Variants in ARPIN observed in about 807,000 individuals in gnomAD.
ARPIN encodes the protein UPF0552 protein C15orf38.
A neutral mutation model predicts 25.9 loss-of-function variants in ARPIN; 23 were observed. The ratio of observed to expected loss-of-function variants is 0.89; its 90% CI spans 0.64 to 1.26. The LOEUF (loss-of-function observed/expected upper bound fraction) is 1.26. Among genes scored for constraint, ARPIN ranks in the 50% most tolerant of loss-of-function variants. The probability of loss-of-function intolerance (pLI) is 0.00; values close to 1 mark genes in which losing one functional copy is unlikely to be tolerated. For synonymous variants in ARPIN, 126 were observed against 131.4 expected, an observed-to-expected ratio of 0.96 and a Z score of 0.28; for missense variants, 333 against 312.2, an observed-to-expected ratio of 1.07 and a Z score of -0.50.
At chr15:89,907,265 A>G (rs545751514) in intron 3 of ARPIN, among the ~76,000 whole-genome samples, 20 of 151,990 alleles carry the variant, frequency 1.3e-4, no homozygotes, top group African/African-American at 4.6e-4. Flanking sequence ...CTGGGGTTTC[A>G]CCATGTTCGC....
chr15:89,908,404 G>A lies in ARPIN; in HGVS notation c.177C>T (p.Tyr59=), dbSNP rs768350982. Residue 59 remains tyrosine, a synonymous_variant, in exon 3 of 6, where the codon TAC becomes TAT. Coordinates refer to ENST00000357484, the MANE Select transcript of ARPIN (RefSeq NM_182616.4). ...GACTGGGCCGGATATACAGCACGTA[G>A]TAGCGCTCCTGGGGCCAGGCAGACA... ...ILDTHGRKER[Y]YVLYIRPSHI... The A allele has an allele frequency of 3.1e-6, 5 of 1,613,344 alleles. No homozygotes were observed. Among genetic ancestry groups the A allele is most frequent in the South Asian group, 1.1e-5 (1 of 91,084 alleles).
rs1896934487 is a variant in ARPIN at position 89,896,595 on chromosome 15, A to G, written c.*5200T>C. On this transcript the variant is annotated 3_prime_UTR_variant, in exon 6 of 6. Coordinates refer to ENST00000357484, the MANE Select transcript of ARPIN (RefSeq NM_182616.4). Reference sequence around the variant, plus strand: ...AATCACAAAACATCAACAGATATATAAAGTTTTTTTATAAAAAGAATTATT... The same window carrying G: ...AATCACAAAACATCAACAGATATATGAAGTTTTTTTATAAAAAGAATTATT... 1 of 152,208 alleles carries G rather than the reference A, an allele frequency of 6.6e-6. No homozygotes were observed. Among genetic ancestry groups the G allele is most frequent in the South Asian group, 2.1e-4 (1 of 4,818 alleles). 9.4% of individuals were successfully genotyped at this position (152,208 alleles called of 1,614,324 possible).
Position 89,899,108 on chromosome 15 carries a change from CAG to C in ARPIN, c.*2685_*2686del, listed in dbSNP as rs1179200147. The C allele has an allele frequency of 8.1e-6, 1 of 124,198 alleles. No homozygotes were observed. Among genetic ancestry groups the C allele is most frequent in the Non-Finnish European group, 1.6e-5 (1 of 61,620 alleles). 7.7% of individuals were successfully genotyped at this position (124,198 alleles called of 1,614,324 possible). A position where few individuals can be genotyped will look rare whatever the true frequency, so the allele number is the denominator to read the frequency against. Reference sequence around the variant, plus strand: ...CTTTTTTTTTTTTTTTTTTTTGAGACAGGGTCTCACTGTGTTGCCCAGGCTGG... The same window carrying C: ...CTTTTTTTTTTTTTTTTTTTTGAGACGGTCTCACTGTGTTGCCCAGGCTGG... On this transcript the variant is annotated 3_prime_UTR_variant, in exon 6 of 6. Coordinates refer to ENST00000357484, the MANE Select transcript of ARPIN (RefSeq NM_182616.4).
intron 2 of ARPIN, among the ~76,000 whole-genome samples, chr15:89,909,174 G>A (rs1897180902): frequency 1.3e-5 from 2 of 152,158 alleles, no homozygotes; most frequent in South Asian, 2.1e-4. Context: ...TGGGGATAAC[G>A]TGATGTCTGT....
intron 3 of ARPIN, 103 bp from the exon 4 acceptor site, chr15:89,904,086 C>T (rs1897077099): frequency 1.4e-6 from 2 of 1,380,150 alleles, no homozygotes; most frequent in African/African-American, 2.9e-5. Flanking sequence ...CAAGCTCAGT[C>T]ACCCGGAGGC....
In ARPIN at chr15:89,896,893, T is replaced by G. The variant is rs1020894313; in HGVS notation, c.*4902A>C. 6.6e-6 allele frequency: 1 copy of G among 152,196 alleles called. No homozygotes were observed. The highest frequency in any genetic ancestry group is 2.4e-5 in the African/African-American group (1 of 41,440). The allele number at this position is 152,196 out of a possible 1,614,324, so 9.4% of individuals were successfully genotyped here. On this transcript the variant is annotated 3_prime_UTR_variant, in exon 6 of 6. Coordinates refer to ENST00000357484, the MANE Select transcript of ARPIN (RefSeq NM_182616.4). ...ATACCCAATTCTCACAAGGGCAGCA[T>G]AAAAATGGTTCTCCCCTACATTGCT...
In ARPIN at chr15:89,903,907, G is replaced by A. The variant is rs747456242; in HGVS notation, c.378C>T (p.Leu126=). The A allele has an allele frequency of 9.9e-6, 16 of 1,613,424 alleles. No homozygotes were observed. Among genetic ancestry groups the A allele is most frequent in the South Asian group, 2.2e-5 (2 of 91,092 alleles). The change falls in exon 4 of 6, where the codon CTC becomes CTT. Residue 126 remains leucine (L), a synonymous_variant. Transcript: ENST00000357484. The stretch of plus-strand genomic sequence containing the variant: ...CGGGGGTGAGGCTCTCTGTCAGCGC[G>A]AGCAGCTCTGGCTTGTTGACCAGCC... ...LKGLVNKPEL[L]ALTESLTPDH...
intron 2 of ARPIN, among the ~76,000 whole-genome samples, chr15:89,908,799 T>C (rs1310975763): frequency 6.6e-6 from 1 of 152,044 alleles, no homozygotes. Context: ...CTGGCCAGCA[T>C]GGTGAAACCC....
chr15:89,896,069 A>G lies in ARPIN; in HGVS notation c.*5726T>C, dbSNP rs1230605434. 6.6e-6 allele frequency: 1 copy of G among 152,278 alleles called. No individual in the cohort carries two copies. Among genetic ancestry groups the G allele is most frequent in the African/African-American group, 2.4e-5 (1 of 41,456 alleles). The allele number at this position is 152,278 out of a possible 1,614,324, so 9.4% of individuals were successfully genotyped here. A position where few individuals can be genotyped will look rare whatever the true frequency, so the allele number is the denominator to read the frequency against. ...ATGCCCAGCAAATTTTTGTATTTTT[A>G]GTAGAGATGGGGTTTCACCACATTG... On this transcript the variant is annotated 3_prime_UTR_variant, in exon 6 of 6. Transcript: ENST00000357484.
In ARPIN at chr15:89,903,224, C is replaced by CG; in HGVS notation, c.663dup (p.Glu222ArgfsTer5). ...CAACACCAGGTACCTACCCACTCCT[C>CG]GTCCTCTGCCCCATCCCCCTGCTCT... On this transcript the variant is annotated frameshift_variant, in exon 5 of 6. Coordinates refer to ENST00000357484, the MANE Select transcript of ARPIN (RefSeq NM_182616.4). LOFTEE classifies it high-confidence loss of function. The CG allele has an allele frequency of 6.2e-7, 1 of 1,614,218 alleles. No individual in the cohort carries two copies.
chr15:89,903,065 G>A, intron 5 of ARPIN, 151 bp downstream of exon 5: 1 of 1,537,150 alleles, frequency 6.5e-7, no homozygotes, highest in Non-Finnish European at 8.8e-7. Context: ...GAATTCTCCT[G>A]ATGCTAACAC....
chr15:89,904,034 TC>T (rs761279741), intron 3 of ARPIN, 51 bp from the exon 4 acceptor site: 3 of 1,552,278 alleles, frequency 1.9e-6, no homozygotes, highest in Non-Finnish European at 2.6e-6. Context: ...AGCAAGAACT[TC>T]CGGAGGGCCT....
At position 89,910,696 on chromosome 15, in the gene ARPIN, G is replaced by T; in HGVS notation, c.168+48C>A. ...ACAAGGAGATGCCACAGTGGATGAT[G>T]ACCGTGAAGTCAGTGCCCTCTAGCT... is the stretch of plus-strand genomic sequence containing the variant. On this transcript the variant is annotated intron_variant, in intron 2 of 5. Coordinates refer to ENST00000357484, the MANE Select transcript of ARPIN (RefSeq NM_182616.4). 4 of 1,611,264 alleles carry T rather than the reference G, an allele frequency of 2.5e-6. No homozygotes were observed. In the South Asian group the frequency reaches 4.4e-5, roughly 18 times the overall value.
At position 89,912,914 on chromosome 15, in the gene ARPIN, C is replaced by T; in HGVS notation, c.-79G>A. ...GCGGCGCGGGAAGTGCTGCAGGACGCGCGGGGACCCGCGATTCCCAGCCGG... is the reference window on the plus strand; with the variant it reads ...GCGGCGCGGGAAGTGCTGCAGGACGTGCGGGGACCCGCGATTCCCAGCCGG... On this transcript the variant is annotated 5_prime_UTR_variant, in exon 1 of 6. Coordinates refer to ENST00000357484, the MANE Select transcript of ARPIN (RefSeq NM_182616.4). 7.1e-7 allele frequency: 1 copy of T among 1,401,160 alleles called. No individual in the cohort carries two copies. The highest frequency in any genetic ancestry group is 9.2e-7 in the Non-Finnish European group (1 of 1,084,874). The allele number at this position is 1,401,160 out of a possible 1,614,324, so 86.8% of individuals were successfully genotyped here.
At chr15:89,911,053 C>T (rs1426300662) in intron 1 of ARPIN, among the ~76,000 whole-genome samples, 2 of 152,180 alleles carry the variant, frequency 1.3e-5, no homozygotes, top group Non-Finnish European at 2.9e-5. Context: ...TACAAGGCCA[C>T]TGGGAGTTAC....
intron 1 of ARPIN, chr15:89,912,459 G>A: frequency 8.1e-7 from 1 of 1,236,316 alleles, no homozygotes; most frequent in Non-Finnish European, 1.0e-6. Flanking sequence ...AGGTCGGCGT[G>A]AGGCGAAGCC....
rs777000385 is a variant in ARPIN at position 89,899,719 on chromosome 15, C to T, written c.*2076G>A. The T allele has an allele frequency of 2.0e-5, 3 of 152,492 alleles. No individual in the cohort carries two copies. Among genetic ancestry groups the T allele is most frequent in the Non-Finnish European group, 4.4e-5 (3 of 68,172 alleles). 9.4% of individuals were successfully genotyped at this position (152,492 alleles called of 1,614,324 possible). ...GCAGCAGTCTCCTAAAGGAGCAACTCGCCTCCAGCTGCTCGGCAGTCAAGT... is the reference window on the plus strand; with the variant it reads ...GCAGCAGTCTCCTAAAGGAGCAACTTGCCTCCAGCTGCTCGGCAGTCAAGT... On this transcript the variant is annotated 3_prime_UTR_variant, in exon 6 of 6. Coordinates refer to ENST00000357484, the MANE Select transcript of ARPIN (RefSeq NM_182616.4).
At chr15:89,904,166 G>A (rs939256307) in intron 3 of ARPIN, among the ~76,000 whole-genome samples, 183 bp from the exon 4 acceptor site, 5 of 152,150 alleles carry the variant, frequency 3.3e-5, no homozygotes, top group African/African-American at 1.2e-4. Context: ...GGCATGAGCT[G>A]GGGACAGGCA....
At chr15:89,911,293 C>T (rs1190510867) in intron 1 of ARPIN, among the ~76,000 whole-genome samples, 1 of 152,120 alleles carries the variant, frequency 6.6e-6, no homozygotes, top group Non-Finnish European at 1.5e-5. Flanking sequence ...TCTCATATTC[C>T]TTTTCTCATT....
Sources: allele counts gnomAD v4.1 joint callset (sites outside exome capture counted in the v4.1 genomes callset), GRCh38; gene constraint gnomAD v4.1.1; transcripts MANE v1.5; gene names NCBI Gene and HGNC (gene_info 2026-07-23, HGNC 2026-07-21).